SYT11: variants seen among roughly 807,000 people sequenced by gnomAD.
SYT11 encodes the protein synaptotagmin 11.
In SYT11, 12 loss-of-function variants were observed where a neutral mutation model predicts 30.4. The observed-to-expected ratio is 0.39, with a 90% CI of 0.25 to 0.64. The LOEUF is 0.64. SYT11 is among the 30% of genes least tolerant of loss of function. The probability of loss-of-function intolerance (pLI) is 0.45; values close to 1 mark genes in which losing one functional copy is unlikely to be tolerated. For synonymous variants in SYT11, 204 were observed against 216.0 expected (o/e 0.94, Z 0.49); for missense variants, 412 against 552.0 (o/e 0.75, Z 2.54).
intron 1 of SYT11, among the ~76,000 whole-genome samples, chr1:155,863,270 A>C (rs1672620477): frequency 6.6e-6 from 1 of 152,062 alleles, no homozygotes; most frequent in South Asian, 2.1e-4. Context: ...ACTGGGCAAC[A>C]TAGCACCTTG....
At chr1:155,874,362 G>A (rs1672827020) in intron 2 of SYT11, among the ~76,000 whole-genome samples, 1 of 152,214 alleles carries the variant, frequency 6.6e-6, no homozygotes, top group South Asian at 2.1e-4. Flanking sequence ...CACTTTGGGA[G>A]GCTGAGACGG....
chr1:155,865,257 C>A (rs1672650589), intron 1 of SYT11, among the ~76,000 whole-genome samples: 1 of 152,076 alleles, frequency 6.6e-6, no homozygotes, highest in African/African-American at 2.4e-5. Flanking sequence ...TTGGGGCAGA[C>A]AGGAAATATT....
chr1:155,878,900 T>TAAA (rs1178753382), intron 2 of SYT11, among the ~76,000 whole-genome samples: 82 of 147,868 alleles, frequency 5.5e-4, no homozygotes, highest in Non-Finnish European at 1.0e-3. Flanking sequence ...AATAAATAAA[T>TAAA]TAATTAATTA....
intron 2 of SYT11, among the ~76,000 whole-genome samples, chr1:155,875,616 T>A (rs1208977351): frequency 6.6e-6 from 1 of 152,168 alleles, no homozygotes; most frequent in African/African-American, 2.4e-5. Flanking sequence ...TTGGCCAGGC[T>A]GGTTTTGAAC....
chr1:155,869,682 G>A (rs1448310817), intron 2 of SYT11, among the ~76,000 whole-genome samples: 1 of 151,944 alleles, frequency 6.6e-6, no homozygotes. Context: ...CATTTCTCCT[G>A]TCCTCCCTCT....
At chr1:155,872,551 G>A (rs1356483700) in intron 2 of SYT11, among the ~76,000 whole-genome samples, 4 of 152,144 alleles carry the variant, frequency 2.6e-5, no homozygotes, top group East Asian at 1.9e-4. Flanking sequence ...TCAGAGAGCC[G>A]AGCCCCGCAG....
chr1:155,867,063 C>CG (rs1672692903), intron 1 of SYT11, among the ~76,000 whole-genome samples: 1 of 43,940 alleles, frequency 2.3e-5, no homozygotes, highest in Non-Finnish European at 1.1e-4. Flanking sequence ...TGGAGGAATA[C>CG]CTTTTTTTTT....
chr1:155,880,668 C>G lies in SYT11; in HGVS notation c.985+45C>G, dbSNP rs752692252. 47 of 1,608,354 alleles carry G rather than the reference C, an allele frequency of 2.9e-5. No homozygotes were observed. In the East Asian group the frequency reaches 7.2e-4, roughly 25 times the overall value. On this transcript the variant is annotated intron_variant, in intron 3 of 3. Coordinates refer to ENST00000368324, the MANE Select transcript of SYT11 (RefSeq NM_152280.5). ...TATTTCTTACTGTCTGAACCATCCC[C>G]GACTCCTTGCCTGTGGCCCAGATAG...
rs1393028145 is a variant in SYT11 at position 155,868,159 on chromosome 1, A to G, written c.229A>G (p.Lys77Glu). 2.5e-6 allele frequency: 4 copies of G among 1,613,944 alleles called. No homozygotes were observed. In the South Asian group the frequency reaches 4.4e-5, roughly 18 times the overall value. Residue 77 changes from lysine (K) to glutamate (E), a missense_variant, in exon 2 of 4, where the codon AAA becomes GAA. Transcript: ENST00000368324. The surrounding 1 kb of genome is among the most constrained non-coding windows in gnomAD (Gnocchi z 4.7). ...CCTCAGCAACAAGAAGAAAATCATC[A>G]AAGTGCGGAGAGACAAAGATGGTCC... The part of the protein sequence containing the change: ...ETLSNKKKII[K>E]VRRDKDGPGR...
In SYT11 at chr1:155,881,441, A is replaced by G; in HGVS notation, c.1229A>G (p.His410Arg). The G allele has an allele frequency of 6.2e-7, 1 of 1,613,880 alleles. No homozygotes were observed. Among genetic ancestry groups the G allele is most frequent in the Middle Eastern group, 1.7e-4 (1 of 6,060 alleles). The part of the protein sequence containing the change: ...AHSVTASGAE[H>R]WREVCESPRK... ...AGTGTCACAGCCAGTGGTGCTGAAC[A>G]CTGGAGAGAGGTCTGCGAGAGCCCC... The change falls in exon 4 of 4, where the codon CAC (histidine) becomes CGC (arginine). Residue 410 changes from histidine (H) to arginine (R), a missense_variant. Physicochemically the swap from His to Arg is conservative, Grantham distance 29. Coordinates refer to ENST00000368324, the MANE Select transcript of SYT11 (RefSeq NM_152280.5).
At chr1:155,875,754 C>T (rs1000888528) in intron 2 of SYT11, among the ~76,000 whole-genome samples, 3 of 151,988 alleles carry the variant, frequency 2.0e-5, no homozygotes, top group Admixed American at 6.6e-5. Context: ...GCTCCTAGGA[C>T]GAAACATAGA....
chr1:155,879,965 G>A (rs372332641), intron 2 of SYT11, among the ~76,000 whole-genome samples: 3 of 152,252 alleles, frequency 2.0e-5, no homozygotes, highest in East Asian at 1.9e-4. Context: ...AGGCTGAGGC[G>A]GGAGGATCAC....
chr1:155,877,858 A>G (rs2102565344), intron 2 of SYT11, among the ~76,000 whole-genome samples: 1 of 152,186 alleles, frequency 6.6e-6, no homozygotes, highest in East Asian at 1.9e-4. Context: ...TCCCGGCTAT[A>G]GCGGCCTCTT....
chr1:155,875,411 T>A (rs1486039293), intron 2 of SYT11, among the ~76,000 whole-genome samples: 1 of 150,300 alleles, frequency 6.7e-6, no homozygotes, highest in Non-Finnish European at 1.5e-5. Context: ...TTGGTTAGAT[T>A]TTTTTTTTTT....
At chr1:155,875,829 A>T (rs1336272147) in intron 2 of SYT11, among the ~76,000 whole-genome samples, 1 of 152,220 alleles carries the variant, frequency 6.6e-6, no homozygotes, top group Non-Finnish European at 1.5e-5. Flanking sequence ...CTTAAGGCCT[A>T]CAATCAAAGC....
Position 155,859,816 on chromosome 1 carries a change from T to C in SYT11, c.34+21T>C, listed in dbSNP as rs199787232. ...CTTTGGTAAGTAGACTCGGGAAAAC[T>C]AAGCTTGAGGTGGTCAGAATGGTTG... On this transcript the variant is annotated intron_variant, in intron 1 of 3. Coordinates refer to ENST00000368324, the MANE Select transcript of SYT11 (RefSeq NM_152280.5). 39 of 1,613,152 alleles carry C rather than the reference T, an allele frequency of 2.4e-5. No homozygotes were observed. In the Admixed American group the frequency reaches 6.3e-4, roughly 26 times the overall value.
intron 2 of SYT11, among the ~76,000 whole-genome samples, chr1:155,873,853 T>A (rs1672817137): frequency 6.6e-6 from 1 of 152,214 alleles, no homozygotes; most frequent in Admixed American, 6.5e-5. Context: ...TGTTTTGGAA[T>A]CCATTCAATT....
intron 2 of SYT11, among the ~76,000 whole-genome samples, chr1:155,870,000 T>C (rs1672756630): frequency 6.6e-6 from 1 of 152,188 alleles, no homozygotes. Flanking sequence ...GCTGATAATA[T>C]TGTCTTCCTT....
At chr1:155,864,686 A>G (rs998747325) in intron 1 of SYT11, among the ~76,000 whole-genome samples, 4 of 148,296 alleles carry the variant, frequency 2.7e-5, no homozygotes, top group African/African-American at 9.9e-5. Flanking sequence ...TCCCTGATAT[A>G]TGTAATCATC....
Sources: allele counts gnomAD v4.1 joint callset (sites outside exome capture counted in the v4.1 genomes callset), GRCh38; gene constraint gnomAD v4.1.1; non-coding constraint Gnocchi (gnomAD v3.1); transcripts MANE v1.5; gene names NCBI Gene and HGNC (gene_info 2026-07-23, HGNC 2026-07-21).